The following LINGO2 variants were observed in gnomAD, a reference collection of about 807,000 sequenced individuals.
LINGO2 encodes leucine-rich repeat and immunoglobulin-like domain-containing nogo receptor-interacting protein 2.
Under a neutral mutation model 30.6 loss-of-function variants are expected in LINGO2, and 14 were observed. The observed-to-expected ratio is 0.46, with a 90% CI of 0.30 to 0.72. The LOEUF (loss-of-function observed/expected upper bound fraction) is 0.72. Ranked by LOEUF, LINGO2 falls within the 30% of genes least tolerant of loss-of-function variation. LINGO2 has a pLI of 0.07. For missense variants in LINGO2, 729 were observed against 751.7 expected (o/e 0.97, Z 0.35); for synonymous variants, 317 against 288.5 (o/e 1.10, Z -1.00).
At chr9:28,968,256 T>C in the LINGO2 span, among the ~76,000 whole-genome samples, 2 of 152,078 alleles carry the variant, frequency 1.3e-5, no homozygotes, top group African/African-American at 4.8e-5. Flanking sequence ...GCTCTAGAAA[T>C]TGATTATTAG....
intron 4 of LINGO2, among the ~76,000 whole-genome samples, chr9:28,023,757 A>T (rs997214125): frequency 1.3e-5 from 2 of 152,172 alleles, no homozygotes; most frequent in African/African-American, 4.8e-5. Context: ...AAAGCCAAGA[A>T]GAGATCTTTC....
At chr9:28,719,116 T>C in the LINGO2 span, among the ~76,000 whole-genome samples, 1 of 152,014 alleles carries the variant, frequency 6.6e-6, no homozygotes, top group Non-Finnish European at 1.5e-5. Flanking sequence ...TTTGTATCTA[T>C]TGTTAATTAT....
chr9:28,773,806 T>C, the LINGO2 span, among the ~76,000 whole-genome samples: 1 of 152,132 alleles, frequency 6.6e-6, no homozygotes, highest in Non-Finnish European at 1.5e-5. Flanking sequence ...AAGAATTAAA[T>C]AAAAACTCCT....
At chr9:28,548,702 CAAAAAAA>C (rs147347396) in intron 1 of LINGO2, among the ~76,000 whole-genome samples, 18 of 63,340 alleles carry the variant, frequency 2.8e-4, no homozygotes, top group Admixed American at 7.1e-4. Flanking sequence ...GACTCCATCT[CAAAAAAA>C]AAAAAAAAAA....
chr9:28,908,538 A>G, the LINGO2 span, among the ~76,000 whole-genome samples: 1 of 151,916 alleles, frequency 6.6e-6, no homozygotes, highest in Admixed American at 6.6e-5. Flanking sequence ...GAGTAAAAAT[A>G]ATTCACAGAA....
chr9:28,515,407 C>T (rs1293289719), intron 1 of LINGO2, among the ~76,000 whole-genome samples: 4 of 152,048 alleles, frequency 2.6e-5, no homozygotes, highest in Admixed American at 6.6e-5. Context: ...GAGGTTTCAC[C>T]GTGTTAGCCA....
At chr9:28,935,538 A>G in the LINGO2 span, among the ~76,000 whole-genome samples, 1 of 152,278 alleles carries the variant, frequency 6.6e-6, no homozygotes, top group East Asian at 1.9e-4. Flanking sequence ...ATAAAATTAG[A>G]ATATTTAAAT....
intron 1 of LINGO2, among the ~76,000 whole-genome samples, chr9:28,594,795 C>G (rs181446762): frequency 1.0e-3 from 153 of 152,080 alleles, no homozygotes; most frequent in Non-Finnish European, 5.9e-4. Context: ...AGCTTTATAT[C>G]CTATTTCAAA....
At chr9:29,031,145 A>G in the LINGO2 span, among the ~76,000 whole-genome samples, 1 of 152,188 alleles carries the variant, frequency 6.6e-6, no homozygotes. Flanking sequence ...GAAGGTGCAA[A>G]CAACAAAAAC....
chr9:28,707,783 G>C, the LINGO2 span, among the ~76,000 whole-genome samples: 1 of 152,064 alleles, frequency 6.6e-6, no homozygotes, highest in Admixed American at 6.6e-5. Flanking sequence ...GTGGGAGGAA[G>C]AAGTAGTGTA....
At chr9:28,887,137 C>A in the LINGO2 span, among the ~76,000 whole-genome samples, 31 of 152,166 alleles carry the variant, frequency 2.0e-4, no homozygotes, top group South Asian at 6.2e-4. Flanking sequence ...AAGAGCTATA[C>A]AAACACGCTT....
At chr9:28,459,138 A>G (rs1034034010) in intron 2 of LINGO2, among the ~76,000 whole-genome samples, 1 of 152,150 alleles carries the variant, frequency 6.6e-6, no homozygotes, top group Non-Finnish European at 1.5e-5. Context: ...AAAATAAATG[A>G]TGCTTAAATT....
At chr9:28,181,470 A>C (rs1828909363) in intron 4 of LINGO2, among the ~76,000 whole-genome samples, 1 of 152,150 alleles carries the variant, frequency 6.6e-6, no homozygotes, top group South Asian at 2.1e-4. Flanking sequence ...GCTTGTTAGA[A>C]ATGCAAATTC....
At chr9:29,007,097 C>A in the LINGO2 span, among the ~76,000 whole-genome samples, 1 of 152,048 alleles carries the variant, frequency 6.6e-6, no homozygotes. Flanking sequence ...TTATTTTTGA[C>A]ATGAAAACAT....
At chr9:29,184,450 G>A in the LINGO2 span, among the ~76,000 whole-genome samples, 1 of 151,992 alleles carries the variant, frequency 6.6e-6, no homozygotes, top group Non-Finnish European at 1.5e-5. Flanking sequence ...TTCTATAGGG[G>A]GGAAGAAGTA....
At chr9:27,992,986 T>C (rs535182159) in intron 5 of LINGO2, among the ~76,000 whole-genome samples, 128 of 152,230 alleles carry the variant, frequency 8.4e-4, no homozygotes, top group African/African-American at 3.0e-3. Context: ...TTATATTAAC[T>C]AGAATATATT....
At chr9:28,094,278 T>G (rs1200303137) in intron 4 of LINGO2, among the ~76,000 whole-genome samples, 4 of 152,130 alleles carry the variant, frequency 2.6e-5, no homozygotes, top group Admixed American at 2.0e-4. Context: ...TCTTGTCAAA[T>G]GAATACCTTT....
intron 2 of LINGO2, among the ~76,000 whole-genome samples, chr9:28,474,486 A>G (rs34343198): frequency 2.6e-5 from 4 of 152,126 alleles, no homozygotes; most frequent in African/African-American, 7.2e-5. Flanking sequence ...TTATAAATCA[A>G]TGTAGAATAA....
Position 28,057,553 on chromosome 9 carries a change from GTA to G in LINGO2, c.-86-45150_-86-45149del, listed in dbSNP as rs1190278585. Reference sequence around the variant, plus strand: ...TATACACACACACATATGTATATAAGTATATATATATACATATATATACACAT... The same window carrying G: ...TATACACACACACATATGTATATAAGTATATATATACATATATATACACAT... On this transcript the variant is annotated intron_variant, in intron 4 of 5. Coordinates refer to ENST00000379992, the Ensembl canonical transcript of LINGO2. 4.6e-3 allele frequency among the ~76,000 whole-genome samples: 381 copies of G among 83,684 alleles called. 13 individuals are homozygous for G. In the South Asian group the frequency reaches 0.08, roughly 18 times the overall value. The allele number at this position is 83,684 out of a possible 152,430, so 54.9% of individuals were successfully genotyped here.
Sources: allele counts gnomAD v4.1 joint callset (sites outside exome capture counted in the v4.1 genomes callset), GRCh38; gene constraint gnomAD v4.1.1; transcripts MANE v1.5; gene names NCBI Gene and HGNC (gene_info 2026-07-23, HGNC 2026-07-21).